Variants in FSTL5 observed in about 807,000 individuals in gnomAD.
The protein encoded by FSTL5 is follistatin like 5.
FSTL5 carries 62 observed loss-of-function variants against 89.1 expected under a neutral mutation model. That is an observed-to-expected ratio of 0.70 (90% CI 0.57 to 0.86). The LOEUF (loss-of-function observed/expected upper bound fraction) is 0.86, where lower values mean the gene tolerates loss of function less well. Ranked by LOEUF, FSTL5 falls within the 40% of genes least tolerant of loss-of-function variation. FSTL5 has a pLI of 0.00. For missense variants in FSTL5, 1,057 were observed against 1,001.6 expected, an observed-to-expected ratio of 1.06 and a Z score of -0.75; for synonymous variants, 383 against 346.2, an observed-to-expected ratio of 1.11 and a Z score of -1.18.
intron 6 of FSTL5, among the ~76,000 whole-genome samples, chr4:161,715,935 C>T (rs1367041344): frequency 6.6e-6 from 1 of 152,178 alleles, no homozygotes; most frequent in Non-Finnish European, 1.5e-5. Flanking sequence ...TTGCTCTCTC[C>T]CTATTCCAGG....
intron 3 of FSTL5, chr4:162,032,466 A>G (rs915523055): frequency 6.6e-6 from 1 of 152,210 alleles, no homozygotes; most frequent in Non-Finnish European, 1.5e-5. Flanking sequence ...CTGAAAATGC[A>G]CAGAAATAGT....
chr4:162,025,616 T>C (rs953850637), intron 3 of FSTL5, among the ~76,000 whole-genome samples: 3 of 152,040 alleles, frequency 2.0e-5, no homozygotes, highest in Non-Finnish European at 4.4e-5. Context: ...CACCAATAAT[T>C]TAAGAAACAA....
At chr4:161,933,675 A>G (rs1474208835) in intron 3 of FSTL5, among the ~76,000 whole-genome samples, 1 of 151,820 alleles carries the variant, frequency 6.6e-6, no homozygotes, top group Non-Finnish European at 1.5e-5. Context: ...AGAAATACAG[A>G]AAACCAGTAA....
intron 4 of FSTL5, among the ~76,000 whole-genome samples, chr4:161,832,718 G>A (rs1730888637): frequency 1.3e-5 from 2 of 151,960 alleles, no homozygotes; most frequent in Non-Finnish European, 2.9e-5. Flanking sequence ...TGTGGGATCG[G>A]TGGTGATATC....
At chr4:161,508,537 T>C (rs1347168102) in intron 11 of FSTL5, among the ~76,000 whole-genome samples, 1 of 152,156 alleles carries the variant, frequency 6.6e-6, no homozygotes, top group Non-Finnish European at 1.5e-5. Context: ...TTACTGAGGG[T>C]ATAAATTTCC....
chr4:161,908,912 T>A (rs1339154837), intron 4 of FSTL5, among the ~76,000 whole-genome samples: 2 of 152,134 alleles, frequency 1.3e-5, no homozygotes, highest in Admixed American at 1.3e-4. Context: ...AATCTCCTTT[T>A]TTTGGCATAA....
chr4:161,408,520 T>C (rs1043151834), intron 15 of FSTL5, among the ~76,000 whole-genome samples: 11 of 152,156 alleles, frequency 7.2e-5, no homozygotes, highest in African/African-American at 2.7e-4. Context: ...AGTCATAGTA[T>C]CCCCTTATCC....
rs1360232417 is a variant in FSTL5 at position 161,412,184 on chromosome 4, A to G, written c.1842-25735T>C. On this transcript the variant is annotated intron_variant, in intron 15 of 15. Coordinates refer to ENST00000306100, the MANE Select transcript of FSTL5 (RefSeq NM_020116.5). ...AACTAGAAGACTGCTGAAAGAAATC[A>G]GAGATGGCACAAATTAATAGAAATA... Among the ~76,000 whole-genome samples the G allele has an allele frequency of 2.0e-5, 3 of 152,258 alleles. No homozygotes were observed. In the East Asian group the frequency reaches 5.8e-4, roughly 29 times the overall value.
At chr4:161,437,319 C>A (rs1324619859) in intron 15 of FSTL5, among the ~76,000 whole-genome samples, 4 of 152,008 alleles carry the variant, frequency 2.6e-5, no homozygotes, top group Non-Finnish European at 5.9e-5. Flanking sequence ...GTAATCCCAG[C>A]ACTTTGGGAG....
intron 8 of FSTL5, among the ~76,000 whole-genome samples, chr4:161,557,445 A>C (rs2126565887): frequency 6.6e-6 from 1 of 151,790 alleles, no homozygotes; most frequent in South Asian, 2.1e-4. Flanking sequence ...TAAAATTAAA[A>C]ATGTTTAGAA....
chr4:161,437,408 A>C (rs1732596552), intron 15 of FSTL5, among the ~76,000 whole-genome samples: 1 of 151,870 alleles, frequency 6.6e-6, no homozygotes, highest in African/African-American at 2.4e-5. Context: ...CTACTGAAAA[A>C]TACAAAAAAT....
chr4:161,497,267 G>A (rs1730117277), intron 12 of FSTL5, among the ~76,000 whole-genome samples: 2 of 151,910 alleles, frequency 1.3e-5, no homozygotes, highest in South Asian at 2.1e-4. Flanking sequence ...TATAAAATGA[G>A]TTTAATTTAC....
intron 6 of FSTL5, among the ~76,000 whole-genome samples, chr4:161,754,695 C>T (rs1264039898): frequency 6.6e-6 from 1 of 152,076 alleles, no homozygotes; most frequent in Non-Finnish European, 1.5e-5. Flanking sequence ...AACATCACTT[C>T]ATCATTTCAA....
chr4:161,527,545 T>C (rs1161115130), intron 10 of FSTL5, among the ~76,000 whole-genome samples: 2 of 151,964 alleles, frequency 1.3e-5, no homozygotes, highest in Non-Finnish European at 2.9e-5. Flanking sequence ...CATGAAAAAA[T>C]GCTCACCATC....
At chr4:161,917,652 A>G (rs1733878390) in intron 4 of FSTL5, among the ~76,000 whole-genome samples, 1 of 152,182 alleles carries the variant, frequency 6.6e-6, no homozygotes, top group African/African-American at 2.4e-5. Context: ...AAGATAGTCA[A>G]GAAGATACAG....
intron 6 of FSTL5, among the ~76,000 whole-genome samples, chr4:161,698,897 C>T (rs1487400666): frequency 6.6e-6 from 1 of 152,064 alleles, no homozygotes; most frequent in Non-Finnish European, 1.5e-5. Flanking sequence ...TTGCAGTGAG[C>T]CGAGATCATG....
intron 13 of FSTL5, among the ~76,000 whole-genome samples, chr4:161,469,696 G>C (rs1241311060): frequency 6.6e-6 from 1 of 150,684 alleles, no homozygotes. Context: ...GGAGTGCAGT[G>C]GTGCCATCTC....
intron 4 of FSTL5, among the ~76,000 whole-genome samples, chr4:161,783,894 T>A (rs1400647711): frequency 6.7e-6 from 1 of 149,750 alleles, no homozygotes; most frequent in Non-Finnish European, 1.5e-5. Context: ...GCCTCCTGAG[T>A]AGCCGGGATT....
intron 3 of FSTL5, among the ~76,000 whole-genome samples, chr4:162,025,911 C>T (rs1340686994): frequency 6.6e-6 from 1 of 151,474 alleles, no homozygotes; most frequent in Non-Finnish European, 1.5e-5. Context: ...AAAAATATTT[C>T]AAATAACATA....
Sources: gnomAD v4.1 joint callset for allele counts (sites outside exome capture counted in the v4.1 genomes callset) on GRCh38, gnomAD v4.1.1 for gene constraint, MANE v1.5 for transcripts, NCBI Gene and HGNC (gene_info 2026-07-23, HGNC 2026-07-21) for gene names.